The following IDI1 variants were observed in gnomAD, a reference collection of about 807,000 sequenced individuals.
IDI1 encodes isopentenyl-diphosphate Delta-isomerase 1.
IDI1 carries 23 observed loss-of-function variants against 32.9 expected under a neutral mutation model. The ratio of observed to expected loss-of-function variants is 0.70; its 90% CI spans 0.50 to 0.99. The LOEUF (loss-of-function observed/expected upper bound fraction) is 0.99. Ranked by LOEUF, IDI1 falls within the 50% of genes least tolerant of loss-of-function variation. IDI1 has a pLI of 0.00. For missense variants in IDI1, 326 were observed against 351.9 expected (o/e 0.93, Z 0.59); for synonymous variants, 133 against 128.2 (o/e 1.04, Z -0.25).
intron 4 of IDI1, 51 bp from the exon 5 acceptor site, chr10:1,041,555 A>G: frequency 1.9e-6 from 2 of 1,028,772 alleles, no homozygotes; most frequent in Non-Finnish European, 2.8e-6. Context: ...ACCGTAACAA[A>G]AAAAATCTAA....
intron 1 of IDI1, 91 bp downstream of exon 1, chr10:1,048,773 T>C: frequency 1.3e-6 from 2 of 1,528,894 alleles, no homozygotes; most frequent in Non-Finnish European, 1.8e-6. Context: ...CACGGGTGGC[T>C]CAGACCTCGG....
At chr10:1,053,680 G>A (rs976384219), upstream of IDI1, among the ~76,000 whole-genome samples, 2 of 151,608 alleles carry the variant, frequency 1.3e-5, no homozygotes, top group African/African-American at 4.8e-5. Flanking sequence ...TAAGAGATGT[G>A]CAACTCATTC....
At chr10:1,056,668 G>C in the IDI1 span, 1 of 152,366 alleles carries the variant, frequency 6.6e-6, no homozygotes, top group Non-Finnish European at 1.5e-5. Context: ...GGGGTCTTCA[G>C]CGCGCCCAGA....
chr10:1,045,869 GT>G lies in IDI1; in HGVS notation c.141-1699del, dbSNP rs1832791020. Among the ~76,000 whole-genome samples the G allele has an allele frequency of 2.8e-3, 25 of 8,968 alleles. No homozygotes were observed. In the East Asian group the frequency reaches 0.088, roughly 32 times the overall value. The allele number at this position is 8,968 out of a possible 152,430, so 5.9% of individuals were successfully genotyped here. ...TTCTAGACCCACATAGGGTCTGGGT[GT>G]GTGTGTGTGTGTGTGTGTGTGTGTG... On this transcript the variant is annotated intron_variant, in intron 1 of 4. Transcript: ENST00000381344.
At chr10:1,048,779 C>T (rs1303693106) in intron 1 of IDI1, 85 bp downstream of exon 1, 3 of 1,538,138 alleles carry the variant, frequency 2.0e-6, no homozygotes, top group African/African-American at 1.4e-5. Context: ...TGGCTCAGAC[C>T]TCGGGCCTCC....
intron 3 of IDI1, among the ~76,000 whole-genome samples, chr10:1,043,094 T>G (rs1446284840): frequency 6.6e-6 from 1 of 152,224 alleles, no homozygotes; most frequent in East Asian, 1.9e-4. Flanking sequence ...AATATGTAAA[T>G]TATACATATT....
At chr10:1,043,795 G>A (rs1337394575) in intron 2 of IDI1, 1 of 678,342 alleles carries the variant, frequency 1.5e-6, no homozygotes, top group Admixed American at 2.1e-5. Flanking sequence ...AAGAAGCCGA[G>A]TAACAGGCAT....
chr10:1,043,872 G>A (rs1361431386), intron 2 of IDI1, 127 bp downstream of exon 2: 7 of 781,184 alleles, frequency 9.0e-6, no homozygotes, highest in South Asian at 3.3e-5. Flanking sequence ...ACTATTTAAC[G>A]AACTGGAACC....
chr10:1,051,894 A>G (rs1236345463), upstream of IDI1, among the ~76,000 whole-genome samples: 3 of 152,062 alleles, frequency 2.0e-5, no homozygotes, highest in Non-Finnish European at 4.4e-5. Context: ...TTTTTTTGAG[A>G]CAGAGTCTCG....
intron 1 of IDI1, chr10:1,048,612 A>G: frequency 7.2e-7 from 1 of 1,397,586 alleles, no homozygotes; most frequent in Non-Finnish European, 9.3e-7. Context: ...TTCCGCTGAC[A>G]AAGAATGGCA....
upstream of IDI1, among the ~76,000 whole-genome samples, chr10:1,050,062 G>C (rs1448400019): frequency 6.6e-6 from 1 of 152,168 alleles, no homozygotes; most frequent in African/African-American, 2.4e-5. Flanking sequence ...GATGAACCTG[G>C]TGGGCACCAG....
In IDI1 at chr10:1,048,852, C is replaced by T. The variant is rs755162550; in HGVS notation, c.140+12G>A. 1 of 1,604,676 alleles carries T rather than the reference C, an allele frequency of 6.2e-7. No individual in the cohort carries two copies. Among genetic ancestry groups the T allele is most frequent in the Non-Finnish European group, 8.5e-7 (1 of 1,176,800 alleles). On this transcript the variant is annotated intron_variant, in intron 1 of 4. Transcript: ENST00000381344. The stretch of plus-strand genomic sequence containing the variant: ...CCCCTGTCTCCCGAACTCCGCCGCC[C>T]GTCCACAGTACCTGATCAGCCTCCG...
chr10:1,048,685 C>A, intron 1 of IDI1, 179 bp downstream of exon 1: 1 of 1,414,492 alleles, frequency 7.1e-7, no homozygotes. Context: ...CACCACAGCC[C>A]GGGAAGGCCC....
At chr10:1,044,280 G>T in intron 1 of IDI1, 109 bp from the exon 2 acceptor site, 1 of 773,752 alleles carries the variant, frequency 1.3e-6, no homozygotes, top group Non-Finnish European at 2.1e-6. Context: ...GTACCACTCT[G>T]CATCCCCACA....
the IDI1 span, among the ~76,000 whole-genome samples, chr10:1,054,711 T>C: frequency 6.6e-6 from 1 of 152,260 alleles, no homozygotes; most frequent in Non-Finnish European, 1.5e-5. Flanking sequence ...CAGTGTGTTA[T>C]GGGTTAAATT....
chr10:1,041,697 C>CA (rs1297213852), intron 4 of IDI1, among the ~76,000 whole-genome samples, 193 bp from the exon 5 acceptor site: 2 of 148,406 alleles, frequency 1.3e-5, no homozygotes, highest in East Asian at 3.9e-4. Context: ...ATGATTACAT[C>CA]ATTAGTTTCA....
chr10:1,054,397 T>G, the IDI1 span, among the ~76,000 whole-genome samples: 1 of 152,210 alleles, frequency 6.6e-6, no homozygotes, highest in Non-Finnish European at 1.5e-5. Flanking sequence ...GAGACACAGT[T>G]AAAATAATCA....
the IDI1 span, chr10:1,056,425 G>C: frequency 1.3e-5 from 2 of 152,290 alleles, no homozygotes; most frequent in East Asian, 3.9e-4. Flanking sequence ...GTCCCCGCCA[G>C]GCTCCCGCGC....
intron 1 of IDI1, among the ~76,000 whole-genome samples, chr10:1,044,559 C>T (rs889325444): frequency 6.6e-6 from 1 of 152,206 alleles, no homozygotes; most frequent in Non-Finnish European, 1.5e-5. Flanking sequence ...AATGTGCTCC[C>T]ATTGCCATCC....
Sources: allele counts gnomAD v4.1 joint callset (sites outside exome capture counted in the v4.1 genomes callset), GRCh38; gene constraint gnomAD v4.1.1; transcripts MANE v1.5; gene names NCBI Gene and HGNC (gene_info 2026-07-23, HGNC 2026-07-21).